SLC35F1: variants seen among roughly 807,000 people sequenced by gnomAD.
The protein encoded by SLC35F1 is chromosome 6 open reading frame 169.
SLC35F1 carries 14 observed loss-of-function variants against 48.7 expected under a neutral mutation model. The ratio of observed to expected loss-of-function variants is 0.29; its 90% confidence interval spans 0.19 to 0.45. SLC35F1 has a LOEUF of 0.45. SLC35F1 is among the 20% of genes least tolerant of loss of function. SLC35F1 has a pLI of 1.00. For synonymous variants in SLC35F1, 190 were observed against 202.2 expected, an observed-to-expected ratio of 0.94 and a Z score of 0.51; for missense variants, 404 against 500.0, an observed-to-expected ratio of 0.81 and a Z score of 1.83.
At chr6:117,949,770 G>A (rs1776339401) in intron 1 of SLC35F1, among the ~76,000 whole-genome samples, 1 of 152,114 alleles carries the variant, frequency 6.6e-6, no homozygotes, top group Admixed American at 6.5e-5. Context: ...AGGGTAGTGT[G>A]TGTGGCATGG....
rs111536540 is a variant in SLC35F1, at chr6:118,262,841, G to C, written c.478-4154G>C. ...GTGGCTCAGGCCTGTAATCCCAGCA[G>C]TTTGGGAGACTGAGGCAGGAGGATT... On this transcript the variant is annotated intron_variant, in intron 3 of 7. Transcript: ENST00000360388. Among the ~76,000 whole-genome samples the C allele has an allele frequency of 1.0e-2, 1,515 of 152,214 alleles. 28 individuals carry two copies. Among genetic ancestry groups the C allele is most frequent in the African/African-American group, 0.035 (1,441 of 41,526 alleles).
chr6:118,162,898 C>T (rs556354368), intron 2 of SLC35F1, among the ~76,000 whole-genome samples: 1 of 151,836 alleles, frequency 6.6e-6, no homozygotes, highest in Non-Finnish European at 1.5e-5. Flanking sequence ...ACAGTCTTAA[C>T]GAAACTTATA....
chr6:118,012,486 G>A (rs1053105720), intron 1 of SLC35F1, among the ~76,000 whole-genome samples: 4 of 152,146 alleles, frequency 2.6e-5, no homozygotes, highest in Admixed American at 2.6e-4. Context: ...GGGCTGAGAT[G>A]CCATGCTTTG....
At chr6:118,267,373 T>C (rs1250744033) in intron 4 of SLC35F1, among the ~76,000 whole-genome samples, 2 of 152,222 alleles carry the variant, frequency 1.3e-5, no homozygotes, top group African/African-American at 4.8e-5. Flanking sequence ...ACAGCTTTCA[T>C]GCCCTTTCTG....
chr6:117,978,579 G>A (rs375313631), intron 1 of SLC35F1, among the ~76,000 whole-genome samples: 2 of 151,950 alleles, frequency 1.3e-5, no homozygotes, highest in East Asian at 3.9e-4. Context: ...TTCTTCACTG[G>A]CCCTTTCCTT....
chr6:117,918,355 G>A (rs966822575), intron 1 of SLC35F1, among the ~76,000 whole-genome samples: 1 of 152,134 alleles, frequency 6.6e-6, no homozygotes, highest in Non-Finnish European at 1.5e-5. Context: ...TCAAAGCATG[G>A]TGGGGAGGAA....
intron 1 of SLC35F1, among the ~76,000 whole-genome samples, chr6:118,109,007 C>T (rs1773361038): frequency 6.6e-6 from 1 of 152,060 alleles, no homozygotes. Flanking sequence ...GAACTGGGAA[C>T]ACATAGTGAA....
intron 2 of SLC35F1, among the ~76,000 whole-genome samples, chr6:118,180,269 T>C (rs1309017259): frequency 2.0e-5 from 3 of 152,084 alleles, no homozygotes; most frequent in African/African-American, 7.2e-5. Context: ...CATTTTAAAA[T>C]AGGATCTCAA....
At chr6:118,059,719 A>T (rs1306935858) in intron 1 of SLC35F1, among the ~76,000 whole-genome samples, 2 of 152,182 alleles carry the variant, frequency 1.3e-5, no homozygotes, top group African/African-American at 4.8e-5. Context: ...CTGGAAGCAA[A>T]ATTCACCACT....
intron 1 of SLC35F1, among the ~76,000 whole-genome samples, chr6:118,004,901 G>C (rs1777154038): frequency 6.6e-6 from 1 of 151,850 alleles, no homozygotes; most frequent in South Asian, 2.1e-4. Flanking sequence ...AGATCTAGTT[G>C]CTGGTCATAC....
At chr6:118,142,937 T>C (rs1773914403) in intron 1 of SLC35F1, among the ~76,000 whole-genome samples, 1 of 152,192 alleles carries the variant, frequency 6.6e-6, no homozygotes, top group Admixed American at 6.5e-5. Flanking sequence ...AAATGAGGCA[T>C]AACTCTCCTA....
intron 2 of SLC35F1, among the ~76,000 whole-genome samples, chr6:118,191,609 G>A (rs183404228): frequency 6.2e-4 from 95 of 152,214 alleles, no homozygotes; most frequent in Middle Eastern, 3.4e-3. Flanking sequence ...GGATAGCAAG[G>A]GCAGTCTTTC....
intron 2 of SLC35F1, among the ~76,000 whole-genome samples, chr6:118,230,666 G>A (rs1267581538): frequency 1.3e-5 from 2 of 152,076 alleles, no homozygotes; most frequent in African/African-American, 2.4e-5. Context: ...ACCAAAACAG[G>A]AGCCTAAAAG....
In SLC35F1 at chr6:118,105,737, G is replaced by A. The variant is rs576461309; in HGVS notation, c.174-48708G>A. Reference sequence around the variant, plus strand: ...TTCATTTCACACTTTTATGCTTAATGTGTGCCTGTTCCTGACCAGTGGAGT... The same window carrying A: ...TTCATTTCACACTTTTATGCTTAATATGTGCCTGTTCCTGACCAGTGGAGT... On this transcript the variant is annotated intron_variant, in intron 1 of 7. Coordinates refer to ENST00000360388, the MANE Select transcript of SLC35F1 (RefSeq NM_001029858.4). Among the ~76,000 whole-genome samples the A allele has an allele frequency of 3.6e-4, 55 of 152,216 alleles. 1 individual carries two copies. Among genetic ancestry groups the A allele is most frequent in the Middle Eastern group, 6.8e-3 (2 of 294 alleles).
At chr6:118,022,814 G>T (rs1315550708) in intron 1 of SLC35F1, among the ~76,000 whole-genome samples, 1 of 148,798 alleles carries the variant, frequency 6.7e-6, no homozygotes, top group South Asian at 2.1e-4. Context: ...GCAGTGGTGC[G>T]ATCTCGGCTC....
Position 118,314,201 on chromosome 6 carries a change from C to T in SLC35F1, c.1176C>T (p.Tyr392=). 6.2e-7 allele frequency: 1 copy of T among 1,614,228 alleles called. No homozygotes were observed. ...TTAQVEPSVT[Y]TSLGQETEEE... is the part of the protein sequence containing the mutation. ...CTCAGGTGGAACCCTCAGTCACCTA[C>T]ACCAGCCTGGGCCAGGAGACCGAAG... The change falls in exon 8 of 8, where the codon TAC becomes TAT. Residue 392 remains tyrosine (Y), a synonymous_variant. Transcript: ENST00000360388.
chr6:118,268,279 T>C (rs1011774009), intron 4 of SLC35F1, among the ~76,000 whole-genome samples: 3 of 152,112 alleles, frequency 2.0e-5, no homozygotes, highest in Non-Finnish European at 2.9e-5. Flanking sequence ...CTCTGTCCCA[T>C]GTTGCTGGGA....
At chr6:118,168,329 GC>G (rs2114491106) in intron 2 of SLC35F1, among the ~76,000 whole-genome samples, 1 of 152,074 alleles carries the variant, frequency 6.6e-6, no homozygotes, top group East Asian at 1.9e-4. Flanking sequence ...CCCAATGGAT[GC>G]CTAAAACAGC....
intron 3 of SLC35F1, among the ~76,000 whole-genome samples, chr6:118,264,425 A>G (rs1775747561): frequency 6.6e-6 from 1 of 152,214 alleles, no homozygotes; most frequent in South Asian, 2.1e-4. Flanking sequence ...AAGAAAAATT[A>G]TGATTATATT....
Sources: allele counts gnomAD v4.1 joint callset (sites outside exome capture counted in the v4.1 genomes callset), GRCh38; gene constraint gnomAD v4.1.1; transcripts MANE v1.5; gene names NCBI Gene and HGNC (gene_info 2026-07-23, HGNC 2026-07-21).